Variants in SLC10A7 observed in about 807,000 individuals in gnomAD.
SLC10A7 encodes solute carrier family 10 member 7, also known as sodium/bile acid cotransporter 7.
In SLC10A7, 29 loss-of-function variants were observed where a neutral mutation model predicts 43.2. The ratio of observed to expected loss-of-function variants is 0.67; its 90% CI spans 0.50 to 0.92. The LOEUF (loss-of-function observed/expected upper bound fraction) is 0.92. Among genes scored for constraint, SLC10A7 ranks in the 40% least tolerant of loss-of-function variants. The probability of loss-of-function intolerance (pLI) is 0.00; values close to 1 mark genes in which losing one functional copy is unlikely to be tolerated. For missense variants in SLC10A7, 295 were observed against 403.2 expected, an observed-to-expected ratio of 0.73 and a Z score of 2.30; for synonymous variants, 152 against 144.8, an observed-to-expected ratio of 1.05 and a Z score of -0.35.
intron 4 of SLC10A7, among the ~76,000 whole-genome samples, chr4:146,468,769 C>T (rs1211483389): frequency 2.0e-5 from 3 of 152,038 alleles, no homozygotes; most frequent in African/African-American, 7.2e-5. Flanking sequence ...GCCAGCAAGG[C>T]TTTTAAAATA....
At chr4:146,400,752 T>C (rs1304086718) in intron 5 of SLC10A7, among the ~76,000 whole-genome samples, 1 of 152,132 alleles carries the variant, frequency 6.6e-6, no homozygotes, top group African/African-American at 2.4e-5. Flanking sequence ...ATACTCACCA[T>C]TTGATGACAG....
intron 5 of SLC10A7, among the ~76,000 whole-genome samples, chr4:146,432,085 TAC>T (rs1729822813): frequency 6.6e-6 from 1 of 152,166 alleles, no homozygotes; most frequent in Non-Finnish European, 1.5e-5. Flanking sequence ...TTTGATGACA[TAC>T]CGCTACACAC....
At chr4:146,281,032 A>T (rs1163233841) in intron 10 of SLC10A7, among the ~76,000 whole-genome samples, 1 of 152,166 alleles carries the variant, frequency 6.6e-6, no homozygotes, top group East Asian at 1.9e-4. Flanking sequence ...ATATTGGAGG[A>T]TCTATTTCAT....
chr4:146,335,939 T>C (rs1041411557), intron 5 of SLC10A7, among the ~76,000 whole-genome samples: 3 of 152,092 alleles, frequency 2.0e-5, no homozygotes, highest in Admixed American at 1.3e-4. Context: ...GCCAGCAACA[T>C]TGATTTCACC....
intron 10 of SLC10A7, among the ~76,000 whole-genome samples, chr4:146,272,640 G>T (rs892367220): frequency 5.3e-5 from 8 of 152,102 alleles, no homozygotes; most frequent in African/African-American, 1.9e-4. Context: ...TTGGAGAGAT[G>T]CAACTCTGAA....
At position 146,326,001 on chromosome 4, in the gene SLC10A7, A is replaced by G. The variant is rs1733077520; in HGVS notation, c.436-5T>C. The G allele has an allele frequency of 1.2e-6, 2 of 1,610,688 alleles. No individual in the cohort carries two copies. Among genetic ancestry groups the G allele is most frequent in the Non-Finnish European group, 1.7e-6 (2 of 1,178,570 alleles). ...CAGGGGTGTTATAACGATGCCCTGA[A>G]AGAAATAAAAGAGAGGATGATCATT... On this transcript the variant is annotated splice_region_variant and splice_polypyrimidine_tract_variant and intron_variant, in intron 5 of 11. Transcript: ENST00000335472.
intron 9 of SLC10A7, among the ~76,000 whole-genome samples, chr4:146,290,860 TAAACCAAACC>T (rs959927228): frequency 9.9e-5 from 15 of 152,064 alleles, no homozygotes; most frequent in African/African-American, 3.4e-4. Context: ...CCCCTGTCTC[TAAACCAAACC>T]AAACCAAACC....
chr4:146,469,495 T>C (rs1049846381), intron 4 of SLC10A7, among the ~76,000 whole-genome samples: 13 of 152,198 alleles, frequency 8.5e-5, no homozygotes, highest in African/African-American at 3.1e-4. Context: ...AACCCAATTA[T>C]TCAGTAAACA....
chr4:146,441,548 A>G (rs189312774), intron 5 of SLC10A7: 4 of 559,510 alleles, frequency 7.1e-6, no homozygotes, highest in Non-Finnish European at 9.1e-6. Context: ...CAGAAAGTTC[A>G]TGTTTTACAG....
intron 6 of SLC10A7, among the ~76,000 whole-genome samples, chr4:146,308,614 C>T (rs1171494296): frequency 6.6e-6 from 1 of 152,072 alleles, no homozygotes; most frequent in Admixed American, 6.6e-5. Flanking sequence ...TGAGAAGCAG[C>T]AATAATTTGC....
chr4:146,360,570 A>G (rs1735972620), intron 5 of SLC10A7, among the ~76,000 whole-genome samples: 1 of 152,026 alleles, frequency 6.6e-6, no homozygotes. Flanking sequence ...CCTTCTGAGT[A>G]GCTGGAAACA....
At chr4:146,488,030 A>C (rs894929550) in intron 4 of SLC10A7, among the ~76,000 whole-genome samples, 7 of 152,144 alleles carry the variant, frequency 4.6e-5, no homozygotes, top group African/African-American at 1.7e-4. Context: ...CTACGAAAAA[A>C]AATTTTTTTA....
At chr4:146,362,757 C>T (rs543583584) in intron 5 of SLC10A7, among the ~76,000 whole-genome samples, 23 of 151,680 alleles carry the variant, frequency 1.5e-4, no homozygotes, top group Non-Finnish European at 2.9e-4. Flanking sequence ...TTTTTCCTTG[C>T]GTGTTTTTTT....
At chr4:146,460,812 T>C (rs529812710) in intron 4 of SLC10A7, among the ~76,000 whole-genome samples, 1 of 152,034 alleles carries the variant, frequency 6.6e-6, no homozygotes, top group Non-Finnish European at 1.5e-5. Context: ...CTATAAATTA[T>C]ATACACAAAA....
In SLC10A7 at chr4:146,462,922, C is replaced by T. The variant is rs1024298186; in HGVS notation, c.397-20101G>A. ...TTCACTGTAATAACAGTAGCCCAAA[C>T]ATTCTTATGTAAGTTCAGATTCTTC... On this transcript the variant is annotated intron_variant, in intron 4 of 11. Transcript: ENST00000335472. Among the ~76,000 whole-genome samples the T allele has an allele frequency of 5.9e-5, 9 of 152,232 alleles. No homozygotes were observed. In the East Asian group the frequency reaches 1.7e-3, roughly 29 times the overall value.
intron 5 of SLC10A7, among the ~76,000 whole-genome samples, chr4:146,395,516 T>G (rs1429388138): frequency 6.6e-6 from 1 of 152,248 alleles, no homozygotes; most frequent in Non-Finnish European, 1.5e-5. Flanking sequence ...GAATATTTTT[T>G]GTAACCATTC....
rs563888030 is a variant in SLC10A7 at position 146,516,389 on chromosome 4, T to C, written c.183+649A>G. Among the ~76,000 whole-genome samples the C allele has an allele frequency of 2.1e-3, 323 of 150,872 alleles. 4 individuals carry two copies. Among genetic ancestry groups the C allele is most frequent in the African/African-American group, 7.6e-3 (312 of 41,188 alleles). On this transcript the variant is annotated intron_variant, in intron 2 of 11. Coordinates refer to ENST00000335472, the MANE Select transcript of SLC10A7 (RefSeq NM_001029998.6). ...CAGTAAATCAGTAAATAACATTACA[T>C]ATATAGGTGTGGGGTGTGTGTGTGT... is the stretch of plus-strand genomic sequence containing the variant.
intron 10 of SLC10A7, among the ~76,000 whole-genome samples, chr4:146,262,849 T>A (rs1189656445): frequency 6.6e-6 from 1 of 152,222 alleles, no homozygotes. Context: ...GTGAACATTC[T>A]AAAGTGCAAA....
At chr4:146,267,018 A>T (rs929153024) in intron 10 of SLC10A7, among the ~76,000 whole-genome samples, 2 of 152,178 alleles carry the variant, frequency 1.3e-5, no homozygotes, top group Non-Finnish European at 1.5e-5. Flanking sequence ...GGGAGCTTAC[A>T]TTCTTACTCA....
Sources: gnomAD v4.1 joint callset for allele counts (sites outside exome capture counted in the v4.1 genomes callset) on GRCh38, gnomAD v4.1.1 for gene constraint, MANE v1.5 for transcripts, NCBI Gene and HGNC (gene_info 2026-07-23, HGNC 2026-07-21) for gene names.